ZRANB3: variants seen among roughly 807,000 people sequenced by gnomAD.
ZRANB3 encodes the protein zinc finger RANBP2-type containing 3, also known as DNA annealing helicase and endonuclease ZRANB3.
Under a neutral mutation model 133.8 loss-of-function variants are expected in ZRANB3, and 125 were observed. The observed-to-expected ratio is 0.93, with a 90% CI of 0.81 to 1.08. The LOEUF (loss-of-function observed/expected upper bound fraction) is 1.08. ZRANB3 is among the 50% of genes least tolerant of loss of function. The pLI is 0.00. For synonymous variants in ZRANB3, 387 were observed against 432.7 expected, an observed-to-expected ratio of 0.89 and a Z score of 1.31; for missense variants, 1,229 against 1,275.5, an observed-to-expected ratio of 0.96 and a Z score of 0.56.
chr2:135,449,489 G>A (rs1690172351), intron 2 of ZRANB3, among the ~76,000 whole-genome samples: 1 of 152,004 alleles, frequency 6.6e-6, no homozygotes, highest in Non-Finnish European at 1.5e-5. Context: ...GTGTGGTGGT[G>A]GGCACCTGTA....
At chr2:135,528,102 A>G (rs184108524) in intron 1 of ZRANB3, among the ~76,000 whole-genome samples, 1 of 151,902 alleles carries the variant, frequency 6.6e-6, no homozygotes. Context: ...ATGAATCTCA[A>G]CTCAAATTTA....
intron 10 of ZRANB3, chr2:135,271,231 G>T (rs1361021666): frequency 2.2e-6 from 1 of 456,496 alleles, no homozygotes; most frequent in Non-Finnish European, 4.6e-6. Flanking sequence ...GCTAGGCCTG[G>T]ACTGTCTACA....
chr2:135,468,581 G>C (rs1691107523), intron 2 of ZRANB3, among the ~76,000 whole-genome samples: 1 of 152,150 alleles, frequency 6.6e-6, no homozygotes, highest in Non-Finnish European at 1.5e-5. Context: ...GCCTCTCTCT[G>C]TGGCCAATAT....
chr2:135,520,738 C>T (rs578234171), intron 1 of ZRANB3, among the ~76,000 whole-genome samples: 20 of 152,180 alleles, frequency 1.3e-4, no homozygotes. Flanking sequence ...GTGCCTGCCA[C>T]TGCGCCCAGC....
chr2:135,466,605 A>C (rs914291077), intron 2 of ZRANB3, among the ~76,000 whole-genome samples: 1 of 151,726 alleles, frequency 6.6e-6, no homozygotes, highest in African/African-American at 2.4e-5. Context: ...GATGGGTCTC[A>C]GTTCTCTTTT....
In ZRANB3 at chr2:135,303,697, C is replaced by T. The variant is rs187675973; in HGVS notation, c.966+9792G>A. 3.3e-5 allele frequency among the ~76,000 whole-genome samples: 5 copies of T among 152,190 alleles called. No individual in the cohort carries two copies. In the East Asian group the frequency reaches 5.8e-4, roughly 18 times the overall value. On this transcript the variant is annotated intron_variant, in intron 8 of 20. Transcript: ENST00000264159. ...GTGTTAATTTATGCAAAAAAGACTA[C>T]AAGGATTTTGATTAACAGCATTGAA...
At chr2:135,283,714 T>C (rs1165088621) in intron 8 of ZRANB3, among the ~76,000 whole-genome samples, 1 of 152,160 alleles carries the variant, frequency 6.6e-6, no homozygotes, top group Non-Finnish European at 1.5e-5. Context: ...AACTTTGTCC[T>C]ACTAAAGTAC....
chr2:135,505,442 C>T (rs1207245097), intron 1 of ZRANB3, among the ~76,000 whole-genome samples: 7 of 152,118 alleles, frequency 4.6e-5, no homozygotes, highest in East Asian at 3.9e-4. Flanking sequence ...GGCGTGGTGG[C>T]GCTCGCCTGT....
intron 2 of ZRANB3, among the ~76,000 whole-genome samples, chr2:135,493,051 C>T (rs1262364219): frequency 7.6e-6 from 1 of 132,138 alleles, no homozygotes; most frequent in African/African-American, 2.7e-5. Flanking sequence ...GAAAACAGAA[C>T]CTAGAACTCC....
intron 1 of ZRANB3, among the ~76,000 whole-genome samples, chr2:135,528,903 T>C (rs1368991242): frequency 6.6e-6 from 1 of 152,180 alleles, no homozygotes; most frequent in Admixed American, 6.5e-5. Context: ...GAGGAAAACG[T>C]GCTTATTTTA....
At chr2:135,219,460 A>G (rs935901698) in intron 15 of ZRANB3, among the ~76,000 whole-genome samples, 6 of 152,122 alleles carry the variant, frequency 3.9e-5, no homozygotes, top group African/African-American at 1.4e-4. Flanking sequence ...GCTGTGTCAT[A>G]CTCTTTTCTA....
In ZRANB3 at chr2:135,385,406, C is replaced by A. The variant is rs186406964; in HGVS notation, c.180+5396G>T. Among the ~76,000 whole-genome samples, 63 of 152,176 alleles carry A rather than the reference C, an allele frequency of 4.1e-4. 1 individual carries two copies. The East Asian group carries it at 0.012, about 28-fold the overall frequency. On this transcript the variant is annotated intron_variant, in intron 3 of 20. Coordinates refer to ENST00000264159, the MANE Select transcript of ZRANB3 (RefSeq NM_032143.4). ...AGGAAGAATCAATATTGTGAAAATG[C>A]CCATACTGCCCAAGGTAATTTATAG...
At chr2:135,213,126 T>C (rs1225084721) in intron 17 of ZRANB3, among the ~76,000 whole-genome samples, 1 of 151,492 alleles carries the variant, frequency 6.6e-6, no homozygotes, top group Non-Finnish European at 1.5e-5. Flanking sequence ...AGGTCTTTTT[T>C]CAGAACCATT....
rs553542566 is a variant in ZRANB3 at position 135,232,513 on chromosome 2, A to C, written c.1540-1586T>G. On this transcript the variant is annotated intron_variant, in intron 12 of 20. Coordinates refer to ENST00000264159, the MANE Select transcript of ZRANB3 (RefSeq NM_032143.4). Reference sequence around the variant, plus strand: ...ACTGCCTCCTTAAGTGGGTCCCTGAACCCCGAGTAGCCTAACTGGGAGGCA... The same window carrying C: ...ACTGCCTCCTTAAGTGGGTCCCTGACCCCCGAGTAGCCTAACTGGGAGGCA... Among the ~76,000 whole-genome samples the C allele has an allele frequency of 3.0e-3, 452 of 152,170 alleles. 3 individuals are homozygous for C. Among genetic ancestry groups the C allele is most frequent in the African/African-American group, 0.01 (421 of 41,526 alleles).
intron 3 of ZRANB3, among the ~76,000 whole-genome samples, chr2:135,385,079 G>A (rs533342825): frequency 1.3e-5 from 2 of 152,172 alleles, no homozygotes; most frequent in Non-Finnish European, 2.9e-5. Flanking sequence ...TGACATGATT[G>A]TATATCTAGA....
rs186421519 is a variant in ZRANB3, at chr2:135,291,719, G to A, written c.967-15964C>T. Among the ~76,000 whole-genome samples the A allele has an allele frequency of 2.6e-3, 398 of 151,790 alleles. 1 individual carries two copies. Among genetic ancestry groups the A allele is most frequent in the African/African-American group, 8.7e-3 (361 of 41,386 alleles). On this transcript the variant is annotated intron_variant, in intron 8 of 20. Transcript: ENST00000264159. ...ATTAACTCGTCATTTAACATTAGGT[G>A]TATCTCCTAATGCTATCCCTCCCCC... is the stretch of plus-strand genomic sequence containing the variant.
chr2:135,529,005 T>C (rs1313118010), intron 1 of ZRANB3, among the ~76,000 whole-genome samples: 2 of 152,190 alleles, frequency 1.3e-5, no homozygotes, highest in African/African-American at 2.4e-5. Context: ...GTAAGTGACA[T>C]TACAATTTTG....
chr2:135,480,027 G>A (rs1350358802), intron 2 of ZRANB3, among the ~76,000 whole-genome samples: 1 of 151,512 alleles, frequency 6.6e-6, no homozygotes, highest in African/African-American at 2.4e-5. Flanking sequence ...TCCGCCTCCT[G>A]GGTTCACGCC....
At chr2:135,376,057 G>A (rs59270151) in intron 3 of ZRANB3, among the ~76,000 whole-genome samples, 11,732 of 152,166 alleles carry the variant, frequency 0.077, 1,501 homozygotes, top group African/African-American at 0.27. Context: ...GTCCCTATAA[G>A]GGAAGAGGCA....
Sources: allele counts gnomAD v4.1 joint callset (sites outside exome capture counted in the v4.1 genomes callset), GRCh38; gene constraint gnomAD v4.1.1; transcripts MANE v1.5; gene names NCBI Gene and HGNC (gene_info 2026-07-23, HGNC 2026-07-21).